ASB16: variants seen among roughly 807,000 people sequenced by gnomAD.
ASB16 encodes ankyrin repeat and SOCS box protein 16.
ASB16 carries 44 observed loss-of-function variants against 39.1 expected under a neutral mutation model. That is an observed-to-expected ratio of 1.13 (90% CI 0.88 to 1.45). The LOEUF (loss-of-function observed/expected upper bound fraction) is 1.45, where lower values mean the gene tolerates loss of function less well. ASB16 is among the 40% of genes most tolerant of loss of function. The pLI is 0.00. For synonymous variants in ASB16, 305 were observed against 286.7 expected, an observed-to-expected ratio of 1.06 and a Z score of -0.64; for missense variants, 698 against 634.5, an observed-to-expected ratio of 1.10 and a Z score of -1.07.
chr17:44,172,197 T>C lies in ASB16; in HGVS notation c.453T>C (p.Cys151=). The C allele has an allele frequency of 2.5e-6, 4 of 1,613,508 alleles. No individual in the cohort carries two copies. Among genetic ancestry groups the C allele is most frequent in the Non-Finnish European group, 3.4e-6 (4 of 1,180,032 alleles). ...GTCGCGCTGCCTTGCATGAGGCCTG[T>C]GCCCGAGCCCAGTTTGACTGTGTGC... The part of the protein sequence containing the change: ...VGGRAALHEA[C]ARAQFDCVRL... The change falls in exon 2 of 5, where the codon TGT becomes TGC. Residue 151 remains cysteine (C), a synonymous_variant. Coordinates refer to ENST00000293414, the MANE Select transcript of ASB16 (RefSeq NM_080863.5).
chr17:44,170,839 G>A lies in ASB16; in HGVS notation c.50G>A (p.Arg17His), dbSNP rs144140141. 22 of 1,611,334 alleles carry A rather than the reference G, an allele frequency of 1.4e-5. No individual in the cohort carries two copies. The highest frequency in any genetic ancestry group is 1.2e-4 in the African/African-American group (9 of 74,856). The change falls in exon 1 of 5, where the codon CGC (arginine) becomes CAC (histidine). Residue 17 changes from arginine to histidine, a missense_variant. Transcript: ENST00000293414. Reference sequence around the variant, plus strand: ...ACCTCCTCCATGCTGCGCTCTCTCCGCCTGCAGCAGGAGTGGCTGGAATGG... The same window carrying A: ...ACCTCCTCCATGCTGCGCTCTCTCCACCTGCAGCAGGAGTGGCTGGAATGG... ...PFTSSMLRSL[R>H]LQQEWLEWED...
chr17:44,174,979 G>C (rs910618555), intron 2 of ASB16, among the ~76,000 whole-genome samples: 41 of 151,864 alleles, frequency 2.7e-4, no homozygotes, highest in African/African-American at 9.9e-4. Context: ...GCGCATGCCT[G>C]CAGTCCCAGC....
chr17:44,177,653 G>A lies in ASB16; in HGVS notation c.1107G>A (p.Leu369=). The change falls in exon 4 of 5, where the codon CTG becomes CTA. Residue 369 remains leucine, a synonymous_variant. Transcript: ENST00000293414. ...CANFPRALEV[L]LNAYPCVPSC... Reference sequence around the variant, plus strand: ...ACTTCCCTCGGGCCCTGGAAGTCCTGCTTAATGCCTATCCTTGTGTCCCAT... The same window carrying A: ...ACTTCCCTCGGGCCCTGGAAGTCCTACTTAATGCCTATCCTTGTGTCCCAT... 1 of 1,613,956 alleles carries A rather than the reference G, an allele frequency of 6.2e-7. No individual in the cohort carries two copies. The highest frequency in any genetic ancestry group is 8.5e-7 in the Non-Finnish European group (1 of 1,179,882).
Position 44,178,559 on chromosome 17 carries a change from A to G in ASB16, c.*169A>G. ...GCTATCTCGGCTCACTGCAACTTCT[A>G]CCACCTAGGTTCAAGCGATTCTTGT... On this transcript the variant is annotated 3_prime_UTR_variant, in exon 5 of 5. Coordinates refer to ENST00000293414, the MANE Select transcript of ASB16 (RefSeq NM_080863.5). The G allele has an allele frequency of 2.8e-6, 2 of 712,656 alleles. No individual in the cohort carries two copies. The highest frequency in any genetic ancestry group is 2.8e-5 in the East Asian group (1 of 35,766). The allele number at this position is 712,656 out of a possible 1,614,324, so 44.1% of individuals were successfully genotyped here. A position where few individuals can be genotyped will look rare whatever the true frequency, so the allele number is the denominator to read the frequency against.
At chr17:44,176,520 C>T (rs753204388) in intron 2 of ASB16, 64 of 707,628 alleles carry the variant, frequency 9.0e-5, no homozygotes, top group Non-Finnish European at 1.4e-4. Flanking sequence ...CAAATCACTC[C>T]TGGGCTTAAG....
In ASB16 at chr17:44,176,921, C is replaced by T; in HGVS notation, c.753C>T (p.Cys251=). The change falls in exon 3 of 5, where the codon TGC becomes TGT. Residue 251 remains cysteine (C), a synonymous_variant. Transcript: ENST00000293414. The part of the protein sequence containing the change: ...SQGETALNTA[C]AGAEGPGSCR... ...GCGAGACTGCGCTGAACACGGCGTGCGCTGGGGCCGAGGGCCCAGGTAGCT... is the reference window on the plus strand; with the variant it reads ...GCGAGACTGCGCTGAACACGGCGTGTGCTGGGGCCGAGGGCCCAGGTAGCT... The T allele has an allele frequency of 1.9e-6, 3 of 1,549,670 alleles. No individual in the cohort carries two copies. Among genetic ancestry groups the T allele is most frequent in the East Asian group, 2.4e-5 (1 of 41,728 alleles).
chr17:44,174,115 C>T (rs2054266507), intron 2 of ASB16, among the ~76,000 whole-genome samples: 1 of 150,018 alleles, frequency 6.7e-6, no homozygotes, highest in South Asian at 2.1e-4. Context: ...TCTCGGCTCA[C>T]TGCAAGCTCC....
Position 44,170,793 on chromosome 17 carries a change from G to A in ASB16, c.4G>A (p.Ala2Thr), listed in dbSNP as rs745726300. 1.3e-6 allele frequency: 2 copies of A among 1,592,718 alleles called. No individual in the cohort carries two copies. Among genetic ancestry groups the A allele is most frequent in the South Asian group, 2.3e-5 (2 of 88,040 alleles). M[A>T]RETFPFTSSM... Reference sequence around the variant, plus strand: ...CCCAAACCCCTGGGCCCCATCCATGGCAAGAGAGACCTTCCCCTTCACCTC... The same window carrying A: ...CCCAAACCCCTGGGCCCCATCCATGACAAGAGAGACCTTCCCCTTCACCTC... Residue 2 changes from alanine to threonine, a missense_variant, in exon 1 of 5, where the codon GCA becomes ACA. Physicochemically the swap from Ala to Thr is moderately conservative, Grantham distance 58 (BLOSUM62 0). Coordinates refer to ENST00000293414, the MANE Select transcript of ASB16 (RefSeq NM_080863.5).
Position 44,178,328 on chromosome 17 carries a change from C to G in ASB16, c.1300C>G (p.Leu434Val). 6.2e-7 allele frequency: 1 copy of G among 1,611,778 alleles called. No homozygotes were observed. Among genetic ancestry groups the G allele is most frequent in the South Asian group, 1.1e-5 (1 of 90,690 alleles). The part of the protein sequence containing the change: ...GSRCRQGATR[L>V]PLPPLLRDYL... ...CCGCTGCCGGCAGGGTGCCACCCGG[C>G]TGCCACTGCCCCCGCTCCTCAGGGA... Residue 434 changes from leucine to valine, a missense_variant, in exon 5 of 5, where the codon CTG becomes GTG. Physicochemically the swap from Leu to Val is conservative, Grantham distance 32. Transcript: ENST00000293414.
rs1195909636 is a variant in ASB16 at position 44,177,026 on chromosome 17, G to A, written c.858G>A (p.Thr286=). Residue 286 remains threonine (T), a synonymous_variant, in exon 3 of 5, where the codon ACG becomes ACA. Coordinates refer to ENST00000293414, the MANE Select transcript of ASB16 (RefSeq NM_080863.5). ...DARAAGRKRH[T]PLHNACANGC... ...GGGCGGCCGGGCGCAAGCGCCACAC[G>A]CCGCTGCACAACGCTTGTGCCAACG... 1.3e-6 allele frequency: 2 copies of A among 1,489,972 alleles called. No individual in the cohort carries two copies. The highest frequency in any genetic ancestry group is 1.3e-5 in the South Asian group (1 of 78,718). 92.3% of individuals were successfully genotyped at this position (1,489,972 alleles called of 1,614,324 possible). A position where few individuals can be genotyped will look rare whatever the true frequency, so the allele number is the denominator to read the frequency against.
intron 4 of ASB16, 25 bp downstream of exon 4, chr17:44,177,747 G>C (rs577810555): frequency 6.2e-7 from 1 of 1,609,444 alleles, no homozygotes; most frequent in South Asian, 1.1e-5. Context: ...GGGCCGAGAT[G>C]GGGAGGAGGG....
rs1186120807 is a variant in ASB16 at position 44,176,881 on chromosome 17, T to C, written c.713T>C (p.Leu238Pro). ...LYLEHGADVG[L>P]RTSQGETALN... is the part of the protein sequence containing the mutation. ...CTGGAGCATGGCGCCGACGTGGGCC[T>C]GCGCACCAGCCAGGGCGAGACTGCG... Residue 238 changes from leucine (L) to proline (P), a missense_variant, in exon 3 of 5, where the codon CTG becomes CCG. By Grantham distance (98) the Leu-to-Pro change is moderately conservative (BLOSUM62 -3). Transcript: ENST00000293414. The C allele has an allele frequency of 6.9e-6, 11 of 1,604,458 alleles. No homozygotes were observed. The Admixed American group carries it at 1.9e-4, about 27-fold the overall frequency.
intron 2 of ASB16, among the ~76,000 whole-genome samples, chr17:44,174,164 C>G (rs959670622): frequency 1.3e-5 from 2 of 151,738 alleles, no homozygotes; most frequent in Non-Finnish European, 2.9e-5. Flanking sequence ...CTGAGCCTCC[C>G]GAGTAACTGG....
intron 2 of ASB16, among the ~76,000 whole-genome samples, chr17:44,173,111 G>A (rs1323700662): frequency 5.7e-5 from 8 of 140,842 alleles, no homozygotes; most frequent in East Asian, 4.3e-4. Context: ...AAAAAAAGCC[G>A]GGCGCCATGG....
chr17:44,171,903 C>A, intron 1 of ASB16, 143 bp from the exon 2 acceptor site: 1 of 802,646 alleles, frequency 1.2e-6, no homozygotes, highest in Non-Finnish European at 1.9e-6. Flanking sequence ...AGCCCCCTTC[C>A]ACAGGTACAG....
chr17:44,173,361 C>T lies in ASB16; in HGVS notation c.569+1048C>T, dbSNP rs554083618. Among the ~76,000 whole-genome samples the T allele has an allele frequency of 2.0e-4, 30 of 151,012 alleles. No homozygotes were observed. In the East Asian group the frequency reaches 5.3e-3, roughly 27 times the overall value. ...TGAACCGAGATTGTGCCACTACACA[C>T]TAGCCCCTGCAACAGTTGAGACTCC... is the stretch of plus-strand genomic sequence containing the variant. On this transcript the variant is annotated intron_variant, in intron 2 of 4. Transcript: ENST00000293414.
chr17:44,177,077 G>A lies in ASB16; in HGVS notation c.909G>A (p.Leu303=). ...ANGCGGLAEL[L]LRYGARAEVP... The stretch of plus-strand genomic sequence containing the variant: ...GCTGCGGGGGCCTGGCCGAGCTGCT[G>A]CTGCGTTACGGGGCCCGCGCTGAGG... Residue 303 remains leucine (L), a synonymous_variant, in exon 3 of 5, where the codon CTG becomes CTA. Transcript: ENST00000293414. 8 of 1,474,032 alleles carry A rather than the reference G, an allele frequency of 5.4e-6. No individual in the cohort carries two copies. The highest frequency in any genetic ancestry group is 7.1e-6 in the Non-Finnish European group (8 of 1,124,848). 91.3% of individuals were successfully genotyped at this position (1,474,032 alleles called of 1,614,324 possible). A position where few individuals can be genotyped will look rare whatever the true frequency, so the allele number is the denominator to read the frequency against.
At chr17:44,178,143 C>G (rs1023871598) in intron 4 of ASB16, 62 bp from the exon 5 acceptor site, 1 of 1,578,422 alleles carries the variant, frequency 6.3e-7, no homozygotes, top group South Asian at 1.1e-5. Flanking sequence ...GGACCCCCAC[C>G]GCTGGGTTGC....
Position 44,177,142 on chromosome 17 carries a change from T to G in ASB16, c.974T>G (p.Leu325Arg), listed in dbSNP as rs776948221. 2 of 1,517,758 alleles carry G rather than the reference T, an allele frequency of 1.3e-6. No individual in the cohort carries two copies. The highest frequency in any genetic ancestry group is 1.8e-6 in the Non-Finnish European group (2 of 1,135,950). 94.0% of individuals were successfully genotyped at this position (1,517,758 alleles called of 1,614,324 possible). ...GAGHTPMDCALQAVQDSPNWE... is the reference protein window; with the variant it reads ...GAGHTPMDCARQAVQDSPNWE... ...GGCCACACGCCCATGGACTGTGCGC[T>G]GCAGGCCGTCCAGGACTCCCCCAAC... Residue 325 changes from leucine (L) to arginine (R), a missense_variant, in exon 3 of 5, where the codon CTG becomes CGG. Transcript: ENST00000293414.
Sources: gnomAD v4.1 joint callset for allele counts (sites outside exome capture counted in the v4.1 genomes callset) on GRCh38, gnomAD v4.1.1 for gene constraint, MANE v1.5 for transcripts, NCBI Gene and HGNC (gene_info 2026-07-23, HGNC 2026-07-21) for gene names.